STAG1: variants seen among roughly 807,000 people sequenced by gnomAD.
STAG1 encodes the protein STAG1 cohesin complex component.
A neutral mutation model predicts 170.9 loss-of-function variants in STAG1; 26 were observed. The observed-to-expected ratio is 0.15, with a 90% CI of 0.11 to 0.21. STAG1 has a LOEUF of 0.21. Among genes scored for constraint, STAG1 ranks in the 10% least tolerant of loss-of-function variants. The pLI is 1.00. For synonymous variants in STAG1, 514 were observed against 497.7 expected, an observed-to-expected ratio of 1.03 and a Z score of -0.44; for missense variants, 964 against 1,509.5, an observed-to-expected ratio of 0.64 and a Z score of 5.99.
In STAG1 at chr3:136,593,236, G is replaced by C. The variant is rs116062488; in HGVS notation, c.297+11073C>G. On this transcript the variant is annotated intron_variant, in intron 4 of 33. Coordinates refer to ENST00000383202, the MANE Select transcript of STAG1 (RefSeq NM_005862.3). ...GTTCCTCTCAAAAGCCCAGTGCGTG[G>C]GACCAGGCTGGGACCCACCCTGCCC... Among the ~76,000 whole-genome samples the C allele has an allele frequency of 8.5e-3, 1,292 of 152,224 alleles. 22 individuals carry two copies. Among genetic ancestry groups the C allele is most frequent in the African/African-American group, 0.03 (1,237 of 41,548 alleles).
chr3:136,618,467 C>A (rs753361960), intron 3 of STAG1, among the ~76,000 whole-genome samples: 14 of 152,244 alleles, frequency 9.2e-5, no homozygotes, highest in Non-Finnish European at 1.9e-4. Context: ...AGTGCTATTT[C>A]TTTTGCAGCA....
At chr3:136,421,232 T>G in intron 19 of STAG1, 69 bp from the exon 20 acceptor site, 1 of 945,898 alleles carries the variant, frequency 1.1e-6, no homozygotes, top group Non-Finnish European at 1.5e-6. Flanking sequence ...ACTTATTGCC[T>G]AAATAAAAAT....
chr3:136,442,973 C>T (rs1429699426), intron 15 of STAG1, among the ~76,000 whole-genome samples: 1 of 152,192 alleles, frequency 6.6e-6, no homozygotes, highest in Non-Finnish European at 1.5e-5. Context: ...TGGGCCGCTG[C>T]ACTCCAGCCT....
At chr3:136,402,109 A>G (rs1476246317) in intron 21 of STAG1, among the ~76,000 whole-genome samples, 1 of 152,236 alleles carries the variant, frequency 6.6e-6, no homozygotes, top group East Asian at 1.9e-4. Flanking sequence ...TTGATAAACT[A>G]CAAACCATAA....
intron 15 of STAG1, 142 bp from the exon 16 acceptor site, chr3:136,433,801 T>A: frequency 2.9e-6 from 1 of 341,686 alleles, no homozygotes; most frequent in Admixed American, 5.0e-5. Context: ...TACTTTGCTA[T>A]TTTTTTTTTT....
At chr3:136,699,720 G>A (rs1356448353) in intron 1 of STAG1, among the ~76,000 whole-genome samples, 3 of 151,890 alleles carry the variant, frequency 2.0e-5, no homozygotes, top group African/African-American at 7.3e-5. Context: ...TGGGAGCTAA[G>A]CTATCAGGAC....
At chr3:136,468,435 C>T (rs1229319138) in intron 12 of STAG1, among the ~76,000 whole-genome samples, 3 of 152,140 alleles carry the variant, frequency 2.0e-5, no homozygotes, top group South Asian at 4.1e-4. Flanking sequence ...TGGACACATA[C>T]ACCCTCCCAA....
chr3:136,457,551 C>T (rs543471374), intron 13 of STAG1, among the ~76,000 whole-genome samples: 1 of 152,168 alleles, frequency 6.6e-6, no homozygotes, highest in East Asian at 1.9e-4. Context: ...CAGCGTTGGC[C>T]CCCTGGACCC....
At chr3:136,405,861 T>TTA (rs1342192626) in intron 21 of STAG1, among the ~76,000 whole-genome samples, 1 of 146,616 alleles carries the variant, frequency 6.8e-6, no homozygotes, top group Non-Finnish European at 1.5e-5. Context: ...CACTATATAC[T>TTA]TAGAAGGATG....
intron 2 of STAG1, among the ~76,000 whole-genome samples, chr3:136,625,454 T>C (rs1435232153): frequency 6.6e-6 from 1 of 152,188 alleles, no homozygotes; most frequent in Non-Finnish European, 1.5e-5. Context: ...CACCTCAAAT[T>C]CACCAAATGC....
At chr3:136,751,980 G>C (rs1053781475) in intron 1 of STAG1, among the ~76,000 whole-genome samples, 23 of 150,754 alleles carry the variant, frequency 1.5e-4, no homozygotes, top group Non-Finnish European at 1.5e-4. Context: ...GTCTCTCCGG[G>C]CACTCGGACG....
At chr3:136,701,995 C>T (rs1943076656) in intron 1 of STAG1, among the ~76,000 whole-genome samples, 2 of 150,342 alleles carry the variant, frequency 1.3e-5, no homozygotes, top group Non-Finnish European at 2.9e-5. Flanking sequence ...TCACAGCAGT[C>T]TCCAACTCCC....
intron 13 of STAG1, among the ~76,000 whole-genome samples, chr3:136,464,264 A>G (rs34168675): frequency 0.19 from 28,381 of 151,748 alleles, 3,061 homozygotes; most frequent in Non-Finnish European, 0.24. Context: ...TCTCTAATAA[A>G]AACACAAAAT....
chr3:136,711,537 G>A (rs934822437), intron 1 of STAG1, among the ~76,000 whole-genome samples: 2 of 150,754 alleles, frequency 1.3e-5, no homozygotes, highest in Admixed American at 1.3e-4. Flanking sequence ...CGCCAGCCTG[G>A]GAAACAGAGC....
intron 10 of STAG1, among the ~76,000 whole-genome samples, chr3:136,475,741 C>A (rs752831878): frequency 6.6e-6 from 1 of 152,168 alleles, no homozygotes; most frequent in Non-Finnish European, 1.5e-5. Flanking sequence ...CATTTCTACA[C>A]TGGAGGGAGC....
intron 7 of STAG1, among the ~76,000 whole-genome samples, chr3:136,506,792 T>C (rs112102126): frequency 4.6e-5 from 7 of 152,292 alleles, no homozygotes; most frequent in African/African-American, 1.4e-4. Flanking sequence ...TGGAAATGCC[T>C]AGTAGACACA....
intron 9 of STAG1, among the ~76,000 whole-genome samples, chr3:136,488,671 A>G (rs949084996): frequency 3.3e-5 from 5 of 152,190 alleles, no homozygotes; most frequent in African/African-American, 1.2e-4. Context: ...TTCAAGCTCT[A>G]GTGAAGTCTC....
chr3:136,647,570 CAAG>C (rs1243865070), intron 1 of STAG1, among the ~76,000 whole-genome samples: 1 of 150,854 alleles, frequency 6.6e-6, no homozygotes, highest in South Asian at 2.1e-4. Flanking sequence ...ACTCGGTCTC[CAAG>C]AAGAACAAAA....
In STAG1 at chr3:136,493,334, C is replaced by A. The variant is rs148872596; in HGVS notation, c.902+6889G>T. 5.8e-4 allele frequency among the ~76,000 whole-genome samples: 88 copies of A among 151,834 alleles called. 1 individual carries two copies. The highest frequency in any genetic ancestry group is 2.1e-3 in the African/African-American group (87 of 41,396). On this transcript the variant is annotated intron_variant, in intron 9 of 33. Coordinates refer to ENST00000383202, the MANE Select transcript of STAG1 (RefSeq NM_005862.3). ...CTCCCACCTGGGTGACAGAGTAAAA[C>A]CCTGTCTCAAAAAAACCAAACCAAA...
Sources: gnomAD v4.1 joint callset for allele counts (sites outside exome capture counted in the v4.1 genomes callset) on GRCh38, gnomAD v4.1.1 for gene constraint, MANE v1.5 for transcripts, NCBI Gene and HGNC (gene_info 2026-07-23, HGNC 2026-07-21) for gene names.